ZNF235: variants seen among roughly 807,000 people sequenced by gnomAD.
ZNF235 encodes the protein zinc finger protein 235, also known as zfp-93.
A neutral mutation model predicts 29.4 loss-of-function variants in ZNF235; 25 were observed. The observed-to-expected ratio is 0.85, with a 90% CI of 0.62 to 1.19. The LOEUF (loss-of-function observed/expected upper bound fraction) is 1.19, where lower values mean the gene tolerates loss of function less well. Ranked by LOEUF, ZNF235 falls within the 50% of genes most tolerant of loss-of-function variation. ZNF235 has a pLI of 0.00. For synonymous variants in ZNF235, 300 were observed against 295.3 expected, an observed-to-expected ratio of 1.02 and a Z score of -0.16; for missense variants, 788 against 885.0, an observed-to-expected ratio of 0.89 and a Z score of 1.39.
At position 44,288,752 on chromosome 19, in the gene ZNF235, A is replaced by C. The variant is rs753349195; in HGVS notation, c.683T>G (p.Ile228Arg). Residue 228 changes from isoleucine to arginine, a missense_variant, in exon 5 of 5, where the codon ATA becomes AGA. By Grantham distance (97) the Ile-to-Arg change is moderately conservative (BLOSUM62 -3). Transcript: ENST00000291182. ...SCISHHHDDN[I>R]VHKRDKVHSN... Reference sequence around the variant, plus strand: ...ATGAACTTTATCTCTTTTGTGCACTATATTATCATCATGGTGGTGTGAAAT... The same window carrying C: ...ATGAACTTTATCTCTTTTGTGCACTCTATTATCATCATGGTGGTGTGAAAT... 6.8e-6 allele frequency: 11 copies of C among 1,613,880 alleles called. No homozygotes were observed. Among genetic ancestry groups the C allele is most frequent in the Non-Finnish European group, 2.5e-6 (3 of 1,179,958 alleles).
chr19:44,294,539 A>G (rs1975627697), intron 4 of ZNF235, among the ~76,000 whole-genome samples: 2 of 152,190 alleles, frequency 1.3e-5, no homozygotes, highest in South Asian at 4.1e-4. Flanking sequence ...AAAATCTAAG[A>G]GGAGAGAATC....
At chr19:44,290,844 G>A (rs1381307682) in intron 4 of ZNF235, 7 of 152,954 alleles carry the variant, frequency 4.6e-5, no homozygotes. Context: ...ACTGACCGTC[G>A]CTTCTGACTA....
chr19:44,298,434 T>C (rs1279432912), intron 4 of ZNF235, among the ~76,000 whole-genome samples: 1 of 151,686 alleles, frequency 6.6e-6, no homozygotes, highest in African/African-American at 2.4e-5. Flanking sequence ...TCTCGCTCTA[T>C]CACCCAGGTT....
intron 2 of ZNF235, among the ~76,000 whole-genome samples, chr19:44,303,165 T>C (rs1975779484): frequency 6.9e-6 from 1 of 144,346 alleles, no homozygotes; most frequent in African/African-American, 2.5e-5. Context: ...TACGTATATA[T>C]AAATATATAA....
chr19:44,294,902 A>G (rs1350538941), intron 4 of ZNF235, among the ~76,000 whole-genome samples: 1 of 152,210 alleles, frequency 6.6e-6, no homozygotes, highest in East Asian at 1.9e-4. Flanking sequence ...CTCATGATAA[A>G]AACCTTTGAC....
chr19:44,296,104 A>G (rs975856459), intron 4 of ZNF235, among the ~76,000 whole-genome samples: 1 of 152,212 alleles, frequency 6.6e-6, no homozygotes, highest in African/African-American at 2.4e-5. Flanking sequence ...CGAAGTATAA[A>G]TAAATACATA....
Position 44,298,341 on chromosome 19 carries a change from G to T in ZNF235, c.238+467C>A, listed in dbSNP as rs575521468. On this transcript the variant is annotated intron_variant, in intron 4 of 4. Transcript: ENST00000291182. ...TACACTGGATTTTACTCATGAAATGGGAAGCCAGTGGAGGATCTGAAGCAG... is the reference window on the plus strand; with the variant it reads ...TACACTGGATTTTACTCATGAAATGTGAAGCCAGTGGAGGATCTGAAGCAG... Among the ~76,000 whole-genome samples the T allele has an allele frequency of 4.6e-5, 7 of 152,030 alleles. 1 individual carries two copies. Among genetic ancestry groups the T allele is most frequent in the African/African-American group, 1.7e-4 (7 of 41,484 alleles).
In ZNF235 at chr19:44,287,811, G is replaced by T. The variant is rs761854954; in HGVS notation, c.1624C>A (p.Pro542Thr). ...AHQRVHTGEK[P>T]YKCEVCGKRF... ...TTCCCACACACTTCACATTTGTATG[G>T]TTTTTCTCCAGTGTGGACTCTCTGA... Residue 542 changes from proline to threonine, a missense_variant, in exon 5 of 5, where the codon CCA becomes ACA. Coordinates refer to ENST00000291182, the MANE Select transcript of ZNF235 (RefSeq NM_004234.4). The T allele has an allele frequency of 6.2e-7, 1 of 1,614,064 alleles. No individual in the cohort carries two copies. Among genetic ancestry groups the T allele is most frequent in the East Asian group, 2.2e-5 (1 of 44,858 alleles).
At position 44,299,594 on chromosome 19, in the gene ZNF235, G is replaced by A; in HGVS notation, c.142+12C>T. On this transcript the variant is annotated intron_variant, in intron 3 of 4. Transcript: ENST00000291182. ...GAAACCCTGCTGAATTACAGAGGGT[G>A]CCTGTCCTTACCCACTGAAACCAGG... 6.2e-7 allele frequency: 1 copy of A among 1,613,600 alleles called. No homozygotes were observed.
chr19:44,303,570 G>C (rs76602578), intron 1 of ZNF235, 118 bp from the exon 2 acceptor site: 16,978 of 816,556 alleles, frequency 0.021, 210 homozygotes, highest in Non-Finnish European at 0.027. Flanking sequence ...GTTGCACACG[G>C]CTTAGTGAGG....
Position 44,288,429 on chromosome 19 carries a change from T to C in ZNF235, c.1006A>G (p.Thr336Ala), listed in dbSNP as rs759741480. 5 of 1,614,132 alleles carry C rather than the reference T, an allele frequency of 3.1e-6. No homozygotes were observed. The highest frequency in any genetic ancestry group is 4.2e-6 in the Non-Finnish European group (5 of 1,180,024). ...KGFSQSSNLQTHQRVHTGEKP... is the reference protein window; with the variant it reads ...KGFSQSSNLQAHQRVHTGEKP... ...TCCCCTGTGTGGACTCTCTGATGAGTTTGCAGATTTGAGCTCTGACTGAAA... is the reference window on the plus strand; with the variant it reads ...TCCCCTGTGTGGACTCTCTGATGAGCTTGCAGATTTGAGCTCTGACTGAAA... Residue 336 changes from threonine (T) to alanine (A), a missense_variant, in exon 5 of 5, where the codon ACT becomes GCT. Thr to Ala is a moderately conservative substitution (Grantham distance 58, BLOSUM62 0). Transcript: ENST00000291182.
At chr19:44,293,954 A>G (rs1040974159) in intron 4 of ZNF235, among the ~76,000 whole-genome samples, 1 of 151,342 alleles carries the variant, frequency 6.6e-6, no homozygotes, top group Non-Finnish European at 1.5e-5. Flanking sequence ...CTACACTAAA[A>G]AAAAAAAAAG....
Position 44,287,574 on chromosome 19 carries a change from G to C in ZNF235, c.1861C>G (p.His621Asp). ...CATTTATATGGTTTCTCTCCGGTGT[G>C]GACTCTCTGATGGGCTTGAAGGTGT... ...ASHLQAHQRV[H>D]TGEKPYKCDT... Residue 621 changes from histidine to aspartate, a missense_variant, in exon 5 of 5, where the codon CAC (histidine) becomes GAC (aspartate). Physicochemically the swap from His to Asp is moderately conservative, Grantham distance 81. Transcript: ENST00000291182. 1 of 1,614,150 alleles carries C rather than the reference G, an allele frequency of 6.2e-7. No individual in the cohort carries two copies. Among genetic ancestry groups the C allele is most frequent in the Non-Finnish European group, 8.5e-7 (1 of 1,180,008 alleles).
intron 2 of ZNF235, 99 bp from the exon 3 acceptor site, chr19:44,299,831 TC>T: frequency 6.3e-7 from 1 of 1,588,572 alleles, no homozygotes; most frequent in South Asian, 1.1e-5. Flanking sequence ...CCTTCCACAA[TC>T]ACACCAAAAA....
chr19:44,303,388 AC>A lies in ZNF235; in HGVS notation c.15+1del. 6.2e-7 allele frequency: 1 copy of A among 1,612,050 alleles called. No individual in the cohort carries two copies. Among genetic ancestry groups the A allele is most frequent in the Non-Finnish European group, 8.5e-7 (1 of 1,178,846 alleles). On this transcript the variant is annotated splice_donor_variant, in intron 2 of 4. Coordinates refer to ENST00000291182, the MANE Select transcript of ZNF235 (RefSeq NM_004234.4). LOFTEE classifies it high-confidence loss of function. Reference sequence around the variant, plus strand: ...AGAAACACAAAGGCAAACCAAACTTACCTGGAACTTGGTCATTTTTCCCCTC... The same window carrying A: ...AGAAACACAAAGGCAAACCAAACTTACTGGAACTTGGTCATTTTTCCCCTC...
chr19:44,302,124 G>A (rs533909535), intron 2 of ZNF235, among the ~76,000 whole-genome samples: 85 of 152,282 alleles, frequency 5.6e-4, no homozygotes, highest in Middle Eastern at 3.4e-3. Context: ...AGATGCTACT[G>A]CACTAAGCTA....
intron 2 of ZNF235, among the ~76,000 whole-genome samples, chr19:44,301,383 A>G (rs1163059137): frequency 6.6e-6 from 1 of 152,140 alleles, no homozygotes; most frequent in Admixed American, 6.5e-5. Flanking sequence ...TCTGGTGAAG[A>G]GCAATGTGAT....
chr19:44,287,177 G>T lies in ZNF235; in HGVS notation c.*41C>A, dbSNP rs764173299. On this transcript the variant is annotated 3_prime_UTR_variant, in exon 5 of 5. Transcript: ENST00000291182. ...GCATGGACTTCCCAACGGAGACAAA[G>T]ATGTGAGCTCTAACTGAAGGCTGAA... 12 of 1,524,148 alleles carry T rather than the reference G, an allele frequency of 7.9e-6. No individual in the cohort carries two copies. Among genetic ancestry groups the T allele is most frequent in the Non-Finnish European group, 1.1e-5 (12 of 1,135,920 alleles). 94.4% of individuals were successfully genotyped at this position (1,524,148 alleles called of 1,614,324 possible). A position where few individuals can be genotyped will look rare whatever the true frequency, so the allele number is the denominator to read the frequency against.
chr19:44,302,829 T>A (rs887511006), intron 2 of ZNF235, among the ~76,000 whole-genome samples: 32 of 134,060 alleles, frequency 2.4e-4, no homozygotes, highest in Admixed American at 7.7e-5. Context: ...TATATATATA[T>A]AACTATATAC....
Sources: allele counts gnomAD v4.1 joint callset (sites outside exome capture counted in the v4.1 genomes callset), GRCh38; gene constraint gnomAD v4.1.1; transcripts MANE v1.5; gene names NCBI Gene and HGNC (gene_info 2026-07-23, HGNC 2026-07-21).